The following IL1RAPL1 variants were observed in gnomAD, a reference collection of about 807,000 sequenced individuals.
IL1RAPL1 encodes interleukin-1 receptor accessory protein-like 1.
Under a neutral mutation model 48.4 loss-of-function variants are expected in IL1RAPL1, and 3 were observed. The ratio of observed to expected loss-of-function variants is 0.06; its 90% CI spans 0.03 to 0.16. IL1RAPL1 has a LOEUF of 0.16. IL1RAPL1 is among the 10% of genes least tolerant of loss of function. The probability of loss-of-function intolerance (pLI) is 1.00; values close to 1 mark genes in which losing one functional copy is unlikely to be tolerated. For missense variants in IL1RAPL1, 349 were observed against 530.6 expected (o/e 0.66, Z 3.36); for synonymous variants, 185 against 187.7 (o/e 0.99, Z 0.12).
intron 2 of IL1RAPL1, among the ~76,000 whole-genome samples, chrX:28,800,105 A>C (rs141933837): frequency 4.5e-5 from 5 of 111,686 alleles, no homozygotes; most frequent in African/African-American, 1.6e-4. Context: ...CTGTGACAGA[A>C]AACTTCCTTG....
intron 1 of IL1RAPL1, among the ~76,000 whole-genome samples, chrX:28,616,437 C>CT (rs1335496099): frequency 1.1e-3 from 108 of 100,103 alleles, no homozygotes; most frequent in African/African-American, 1.8e-3. Context: ...ATTTTTCTTT[C>CT]TTTTTTTTTT....
At position 29,404,544 on chromosome X, in the gene IL1RAPL1, C is replaced by A. The variant is rs1195295539; in HGVS notation, c.703+5236C>A. Among the ~76,000 whole-genome samples, 6 of 111,951 alleles carry A rather than the reference C, an allele frequency of 5.4e-5. No homozygotes were observed. The Admixed American group carries it at 5.7e-4, about 11-fold the overall frequency. Reference sequence around the variant, plus strand: ...AGTACAGATACCTTATTACAGAGTACTCCCAGTTCCTCTCTCCTATCCTTT... The same window carrying A: ...AGTACAGATACCTTATTACAGAGTAATCCCAGTTCCTCTCTCCTATCCTTT... On this transcript the variant is annotated intron_variant, in intron 5 of 10. Transcript: ENST00000378993.
intron 2 of IL1RAPL1, among the ~76,000 whole-genome samples, chrX:29,039,731 A>G (rs1053998145): frequency 9.4e-6 from 1 of 105,957 alleles, no homozygotes; most frequent in Non-Finnish European, 1.9e-5. Flanking sequence ...ATAATAATAC[A>G]TGAACATCTT....
chrX:29,781,305 G>C (rs1451839364), intron 6 of IL1RAPL1, among the ~76,000 whole-genome samples: 4 of 111,776 alleles, frequency 3.6e-5, no homozygotes, highest in African/African-American at 1.3e-4. Flanking sequence ...CAGAGAAGGG[G>C]CATCTTGTTA....
intron 1 of IL1RAPL1, among the ~76,000 whole-genome samples, chrX:28,726,059 T>A (rs1055136993): frequency 8.9e-6 from 1 of 112,241 alleles, no homozygotes; most frequent in South Asian, 3.7e-4. Flanking sequence ...TGCACTCATT[T>A]ATTTTTTTCT....
intron 2 of IL1RAPL1, among the ~76,000 whole-genome samples, chrX:29,274,927 A>G (rs934631102): frequency 1.5e-4 from 16 of 108,929 alleles, no homozygotes; most frequent in African/African-American, 4.7e-4. Context: ...TCTGACTACA[A>G]TTCTTCCCAC....
At chrX:29,133,366 A>T (rs775706095) in intron 2 of IL1RAPL1, among the ~76,000 whole-genome samples, 1 of 112,509 alleles carries the variant, frequency 8.9e-6, no homozygotes, top group South Asian at 3.7e-4. Flanking sequence ...TTCTTGCTCC[A>T]GATCACTGGC....
intron 6 of IL1RAPL1, among the ~76,000 whole-genome samples, chrX:29,849,758 G>A (rs1931323693): frequency 8.9e-6 from 1 of 112,040 alleles, no homozygotes; most frequent in African/African-American, 3.2e-5. Flanking sequence ...AATGAAGGGG[G>A]AAGAGAGCTT....
At chrX:29,633,473 A>C (rs1299149537) in intron 5 of IL1RAPL1, among the ~76,000 whole-genome samples, 1 of 103,856 alleles carries the variant, frequency 9.6e-6, no homozygotes, top group South Asian at 4.2e-4. Context: ...ATATATACAC[A>C]CACACACACA....
intron 6 of IL1RAPL1, among the ~76,000 whole-genome samples, chrX:29,712,765 C>A (rs2147121649): frequency 8.9e-6 from 1 of 112,011 alleles, no homozygotes; most frequent in South Asian, 3.7e-4. Context: ...ATTGATTAAT[C>A]AAACTGCATT....
At chrX:29,336,269 C>CACAT (rs1932993045) in intron 3 of IL1RAPL1, among the ~76,000 whole-genome samples, 1 of 57,474 alleles carries the variant, frequency 1.7e-5, no homozygotes, top group Admixed American at 2.4e-4. Flanking sequence ...ATATATATGC[C>CACAT]ATATATATAT....
At chrX:29,440,573 C>T (rs956875427) in intron 5 of IL1RAPL1, among the ~76,000 whole-genome samples, 4 of 111,676 alleles carry the variant, frequency 3.6e-5, no homozygotes, top group African/African-American at 1.3e-4. Context: ...TTTCTTAGTT[C>T]AAGATCAAGA....
At chrX:29,442,134 G>A (rs1368043982) in intron 5 of IL1RAPL1, among the ~76,000 whole-genome samples, 1 of 111,771 alleles carries the variant, frequency 8.9e-6, no homozygotes. Flanking sequence ...AAATCTGGAG[G>A]CATCACACTG....
At chrX:29,252,530 T>C (rs1931675912) in intron 2 of IL1RAPL1, among the ~76,000 whole-genome samples, 1 of 114,071 alleles carries the variant, frequency 8.8e-6, no homozygotes, top group African/African-American at 3.2e-5. Context: ...TTGTCTTCTT[T>C]GTTAGCCAAA....
rs770167291 is a variant in IL1RAPL1 at position 29,625,413 on chromosome X, T to G, written c.704-43017T>G. Among the ~76,000 whole-genome samples the G allele has an allele frequency of 3.6e-5, 4 of 111,914 alleles. No individual in the cohort carries two copies. In the South Asian group the frequency reaches 1.5e-3, roughly 41 times the overall value. On this transcript the variant is annotated intron_variant, in intron 5 of 10. Coordinates refer to ENST00000378993, the MANE Select transcript of IL1RAPL1 (RefSeq NM_014271.4). ...ACCATAAGCCTAGCTATTATAAAAA[T>G]TATACAATAACTTAATTTTTAAAAA...
At chrX:29,338,185 A>G (rs971939291) in intron 3 of IL1RAPL1, among the ~76,000 whole-genome samples, 1 of 111,166 alleles carries the variant, frequency 9.0e-6, no homozygotes, top group Non-Finnish European at 1.9e-5. Flanking sequence ...TGAGTTAACT[A>G]TAAAGTGTGT....
At chrX:29,948,846 GAAAAA>G (rs796452553) in intron 9 of IL1RAPL1, among the ~76,000 whole-genome samples, 2 of 89,008 alleles carry the variant, frequency 2.2e-5, no homozygotes, top group African/African-American at 4.0e-5. Flanking sequence ...AAAAAAAAAA[GAAAAA>G]AAAAAAAGGA....
chrX:29,112,086 C>T (rs1409878782), intron 2 of IL1RAPL1, among the ~76,000 whole-genome samples: 5 of 108,887 alleles, frequency 4.6e-5, no homozygotes, highest in East Asian at 5.8e-4. Context: ...GGCACCACCA[C>T]GCCCGGCTAA....
intron 5 of IL1RAPL1, among the ~76,000 whole-genome samples, chrX:29,435,797 A>C (rs1346224546): frequency 8.2e-5 from 9 of 110,255 alleles, no homozygotes; most frequent in South Asian, 7.6e-4. Context: ...GAGTATTTCA[A>C]CCTCTGAAGA....
Sources: gnomAD v4.1 joint callset for allele counts (sites outside exome capture counted in the v4.1 genomes callset) on GRCh38, gnomAD v4.1.1 for gene constraint, MANE v1.5 for transcripts, NCBI Gene and HGNC (gene_info 2026-07-23, HGNC 2026-07-21) for gene names.